ADGRB3: variants seen among roughly 807,000 people sequenced by gnomAD.
ADGRB3 encodes the protein brain-specific angiogenesis inhibitor 3.
Under a neutral mutation model 193.4 loss-of-function variants are expected in ADGRB3, and 37 were observed. That is an observed-to-expected ratio of 0.19 (90% CI 0.15 to 0.25). The LOEUF is 0.25. Ranked by LOEUF, ADGRB3 falls within the 10% of genes least tolerant of loss-of-function variation. The probability of loss-of-function intolerance (pLI) is 1.00; values close to 1 mark genes in which losing one functional copy is unlikely to be tolerated. For synonymous variants in ADGRB3, 690 were observed against 644.2 expected (o/e 1.07, Z -1.08); for missense variants, 1,637 against 1,852.9 (o/e 0.88, Z 2.14).
At chr6:68,789,167 A>C (rs2127365477) in intron 3 of ADGRB3, among the ~76,000 whole-genome samples, 1 of 150,800 alleles carries the variant, frequency 6.6e-6, no homozygotes, top group Non-Finnish European at 1.5e-5. Flanking sequence ...TAAAGTTAAT[A>C]TTGTTATGTG....
At chr6:69,180,729 G>A (rs1338858670) in intron 17 of ADGRB3, among the ~76,000 whole-genome samples, 2 of 152,234 alleles carry the variant, frequency 1.3e-5, no homozygotes, top group East Asian at 3.9e-4. Context: ...GAGCATAATT[G>A]TAACACCTAC....
intron 3 of ADGRB3, among the ~76,000 whole-genome samples, chr6:68,870,856 A>G (rs1765435724): frequency 6.6e-6 from 1 of 152,224 alleles, no homozygotes; most frequent in Non-Finnish European, 1.5e-5. Flanking sequence ...TTTTACACTC[A>G]GTCTGATTGC....
At chr6:68,723,708 T>A (rs1765624573) in intron 3 of ADGRB3, among the ~76,000 whole-genome samples, 1 of 151,716 alleles carries the variant, frequency 6.6e-6, no homozygotes, top group African/African-American at 2.4e-5. Context: ...TATTAGTATT[T>A]ACTATTTTTT....
At chr6:68,664,214 C>T (rs1408584530) in intron 3 of ADGRB3, among the ~76,000 whole-genome samples, 1 of 151,804 alleles carries the variant, frequency 6.6e-6, no homozygotes, top group Non-Finnish European at 1.5e-5. Flanking sequence ...GATGTACCCT[C>T]ATTCTCAAAT....
At chr6:68,680,245 A>G (rs1764864735) in intron 3 of ADGRB3, among the ~76,000 whole-genome samples, 1 of 152,150 alleles carries the variant, frequency 6.6e-6, no homozygotes, top group Non-Finnish European at 1.5e-5. Context: ...GTTGTCAGGT[A>G]AGTGTAGGAG....
chr6:68,650,931 A>G (rs970877707), intron 3 of ADGRB3, among the ~76,000 whole-genome samples: 3 of 152,182 alleles, frequency 2.0e-5, no homozygotes, highest in Admixed American at 6.6e-5. Context: ...TGCAAAACAG[A>G]TATTTTATGT....
intron 3 of ADGRB3, among the ~76,000 whole-genome samples, chr6:68,871,207 G>A (rs970132024): frequency 6.6e-6 from 1 of 152,134 alleles, no homozygotes; most frequent in African/African-American, 2.4e-5. Flanking sequence ...GATAGAAAAA[G>A]CATTTAAGAT....
At chr6:69,167,654 T>G (rs1775164161) in intron 17 of ADGRB3, among the ~76,000 whole-genome samples, 1 of 152,126 alleles carries the variant, frequency 6.6e-6, no homozygotes, top group Admixed American at 6.6e-5. Context: ...TCCCCAGATA[T>G]ATTTGCGGGT....
At chr6:69,156,600 A>T (rs1381617922) in intron 17 of ADGRB3, among the ~76,000 whole-genome samples, 1 of 152,208 alleles carries the variant, frequency 6.6e-6, no homozygotes, top group Non-Finnish European at 1.5e-5. Flanking sequence ...AAGCATTGAG[A>T]AGTCATATGA....
intron 3 of ADGRB3, among the ~76,000 whole-genome samples, chr6:68,732,459 G>A (rs1765792270): frequency 6.6e-6 from 1 of 151,936 alleles, no homozygotes; most frequent in South Asian, 2.1e-4. Context: ...TATACAATTT[G>A]AAATTCAGAA....
intron 26 of ADGRB3, among the ~76,000 whole-genome samples, chr6:69,351,173 A>G (rs1171741631): frequency 6.6e-6 from 1 of 151,004 alleles, no homozygotes; most frequent in East Asian, 1.9e-4. Context: ...GGCTCACTGC[A>G]ACCTTCGCCT....
chr6:69,033,891 A>G lies in ADGRB3; in HGVS notation c.2108-14294A>G, dbSNP rs555717772. ...AGGGGTTTATAATTGTCTATACTGG[A>G]CAGTACTGTATTGAAGGCATAGCTG... On this transcript the variant is annotated intron_variant, in intron 13 of 31. Transcript: ENST00000370598. Among the ~76,000 whole-genome samples the G allele has an allele frequency of 4.6e-5, 7 of 152,152 alleles. 1 individual carries two copies. In the South Asian group the frequency reaches 1.2e-3, roughly 27 times the overall value.
At position 69,321,916 on chromosome 6, in the gene ADGRB3, T is replaced by A. The variant is rs1768463675; in HGVS notation, c.2815-2956T>A. On this transcript the variant is annotated intron_variant, in intron 20 of 31. Transcript: ENST00000370598. ...TGTGGATGTTTGTTACGTAGGTAAA[T>A]GGGTGTTATGGAGTCTGGTTGTACA... Among the ~76,000 whole-genome samples the A allele has an allele frequency of 2.0e-5, 3 of 151,782 alleles. No individual in the cohort carries two copies. In the Admixed American group the frequency reaches 2.0e-4, roughly 10 times the overall value.
chr6:69,368,911 G>A (rs1018168828), intron 29 of ADGRB3, among the ~76,000 whole-genome samples: 6 of 152,162 alleles, frequency 3.9e-5, no homozygotes, highest in African/African-American at 1.4e-4. Context: ...AAATTAAGAA[G>A]AGGAAACAGC....
chr6:69,371,978 T>C (rs1769716923), intron 29 of ADGRB3, among the ~76,000 whole-genome samples: 1 of 152,062 alleles, frequency 6.6e-6, no homozygotes, highest in East Asian at 1.9e-4. Context: ...AAACTAGAAG[T>C]TGGTTGAAGA....
chr6:69,100,356 TA>T (rs1261819267), intron 17 of ADGRB3, among the ~76,000 whole-genome samples: 40 of 152,144 alleles, frequency 2.6e-4, no homozygotes, highest in African/African-American at 8.9e-4. Context: ...AACTAAAAAA[TA>T]AAAATCAAAA....
chr6:68,915,891 T>G (rs563085228), intron 3 of ADGRB3, among the ~76,000 whole-genome samples: 9 of 152,184 alleles, frequency 5.9e-5, no homozygotes, highest in African/African-American at 2.2e-4. Flanking sequence ...ATGGAAGTTG[T>G]GGAAGGACTT....
Position 69,382,882 on chromosome 6 carries a change from C to A in ADGRB3, c.4327C>A (p.Gln1443Lys), listed in dbSNP as rs1456813336. Reference sequence around the variant, plus strand: ...TATGGAACTATTTCAAGAACTAAATCAGAAATTTCAAACTTTGGACAGATT... The same window carrying A: ...TATGGAACTATTTCAAGAACTAAATAAGAAATTTCAAACTTTGGACAGATT... ...RHMELFQELN[Q>K]KFQTLDRFRD... is the part of the protein sequence containing the mutation. The change falls in exon 31 of 32, where the codon CAG becomes AAG. Residue 1443 changes from glutamine to lysine, a missense_variant. By Grantham distance (53) the Gln-to-Lys change is moderately conservative. Transcript: ENST00000370598. The A allele has an allele frequency of 6.2e-7, 1 of 1,609,208 alleles. No individual in the cohort carries two copies. The highest frequency in any genetic ancestry group is 8.5e-7 in the Non-Finnish European group (1 of 1,177,424).
intron 17 of ADGRB3, among the ~76,000 whole-genome samples, chr6:69,164,504 G>T (rs900191341): frequency 3.9e-5 from 6 of 152,026 alleles, no homozygotes; most frequent in Non-Finnish European, 5.9e-5. Flanking sequence ...TTATTACTTT[G>T]TAACTTGCAA....
Sources: gnomAD v4.1 joint callset for allele counts (sites outside exome capture counted in the v4.1 genomes callset) on GRCh38, gnomAD v4.1.1 for gene constraint, MANE v1.5 for transcripts, NCBI Gene and HGNC (gene_info 2026-07-23, HGNC 2026-07-21) for gene names.